Variants in DSCAML1 observed in about 807,000 individuals in gnomAD.
DSCAML1 encodes the protein DS cell adhesion molecule like 1.
A neutral mutation model predicts 200.5 loss-of-function variants in DSCAML1; 38 were observed. The ratio of observed to expected loss-of-function variants is 0.19; its 90% CI spans 0.15 to 0.25. The LOEUF (loss-of-function observed/expected upper bound fraction) is 0.25. Ranked by LOEUF, DSCAML1 falls within the 10% of genes least tolerant of loss-of-function variation. The pLI, the probability that DSCAML1 is intolerant of heterozygous loss-of-function variation, is 1.00. For synonymous variants in DSCAML1, 1,215 were observed against 1,165.0 expected (o/e 1.04, Z -0.87); for missense variants, 2,223 against 2,858.8 (o/e 0.78, Z 5.07).
At chr11:117,646,255 A>C (rs1051707302) in intron 3 of DSCAML1, among the ~76,000 whole-genome samples, 2 of 151,694 alleles carry the variant, frequency 1.3e-5, no homozygotes, top group Non-Finnish European at 2.9e-5. Context: ...ATGGGAAGGG[A>C]GGGAGGTGGC....
intron 3 of DSCAML1, among the ~76,000 whole-genome samples, chr11:117,598,439 C>T (rs1403627151): frequency 6.6e-6 from 1 of 152,116 alleles, no homozygotes; most frequent in African/African-American, 2.4e-5. Flanking sequence ...TTCTGACATC[C>T]CAATCCAAGC....
chr11:117,772,248 G>A (rs1240910391), intron 3 of DSCAML1, among the ~76,000 whole-genome samples: 3 of 152,150 alleles, frequency 2.0e-5, no homozygotes, highest in African/African-American at 7.2e-5. Context: ...AGGGAGGCTG[G>A]TAGTTTACTT....
At chr11:117,543,860 C>G (rs1453880037) in intron 3 of DSCAML1, among the ~76,000 whole-genome samples, 1 of 151,624 alleles carries the variant, frequency 6.6e-6, no homozygotes, top group Non-Finnish European at 1.5e-5. Context: ...GGAGGCAGGT[C>G]TATGATGCGT....
At chr11:117,428,866 G>GC (rs1327428108) in intron 32 of DSCAML1, 63 bp from the exon 33 acceptor site, 10 of 1,448,008 alleles carry the variant, frequency 6.9e-6, no homozygotes, top group South Asian at 1.2e-5. Context: ...AGCTCGTTCA[G>GC]CCCCCACCCC....
intron 3 of DSCAML1, among the ~76,000 whole-genome samples, chr11:117,648,290 G>C (rs2052562815): frequency 6.6e-6 from 1 of 152,236 alleles, no homozygotes. Context: ...GTGGTGTCCA[G>C]GGTGCTCCTG....
At chr11:117,735,726 T>G (rs918663135) in intron 3 of DSCAML1, among the ~76,000 whole-genome samples, 2 of 152,184 alleles carry the variant, frequency 1.3e-5, no homozygotes, top group African/African-American at 2.4e-5. Flanking sequence ...AAGCATAGAC[T>G]ATGCTGGGCC....
At chr11:117,442,233 T>A (rs57176652) in intron 21 of DSCAML1, among the ~76,000 whole-genome samples, 2 of 150,658 alleles carry the variant, frequency 1.3e-5, no homozygotes, top group Admixed American at 6.6e-5. Flanking sequence ...AGTGTGTGTG[T>A]GCGTGTGTAT....
intron 3 of DSCAML1, among the ~76,000 whole-genome samples, chr11:117,761,573 G>C (rs536131194): frequency 1.3e-5 from 2 of 152,036 alleles, no homozygotes; most frequent in Non-Finnish European, 2.9e-5. Flanking sequence ...TTTTTCATCT[G>C]TACAATGGGA....
At chr11:117,717,705 C>A (rs2053976252) in intron 3 of DSCAML1, among the ~76,000 whole-genome samples, 1 of 152,184 alleles carries the variant, frequency 6.6e-6, no homozygotes, top group Admixed American at 6.5e-5. Flanking sequence ...CACATTCACC[C>A]CATACTCACG....
At chr11:117,452,431 T>C (rs1006526159) in intron 19 of DSCAML1, among the ~76,000 whole-genome samples, 1 of 152,224 alleles carries the variant, frequency 6.6e-6, no homozygotes, top group African/African-American at 2.4e-5. Context: ...CAGTTTTCTA[T>C]TAGACAGTTT....
intron 3 of DSCAML1, among the ~76,000 whole-genome samples, chr11:117,685,668 C>T (rs946743854): frequency 3.9e-5 from 6 of 152,182 alleles, no homozygotes; most frequent in Non-Finnish European, 7.3e-5. Flanking sequence ...CGGGAGGAGA[C>T]GGAAAGCACG....
intron 4 of DSCAML1, among the ~76,000 whole-genome samples, chr11:117,530,057 G>A (rs2050045149): frequency 6.6e-6 from 1 of 152,092 alleles, no homozygotes; most frequent in Non-Finnish European, 1.5e-5. Flanking sequence ...TGTGCCCCAT[G>A]CCAATCTCTC....
At chr11:117,487,084 C>A (rs1265207008) in intron 11 of DSCAML1, among the ~76,000 whole-genome samples, 1 of 151,654 alleles carries the variant, frequency 6.6e-6, no homozygotes, top group African/African-American at 2.4e-5. Flanking sequence ...ACCACTACGC[C>A]TGGCTAATTT....
At chr11:117,813,803 T>C (rs897711756) in intron 1 of DSCAML1, among the ~76,000 whole-genome samples, 1 of 152,300 alleles carries the variant, frequency 6.6e-6, no homozygotes, top group Non-Finnish European at 1.5e-5. Context: ...ACATCGTCCA[T>C]TCTGTCTCCA....
At chr11:117,475,276 A>G (rs2048767988) in intron 14 of DSCAML1, among the ~76,000 whole-genome samples, 1 of 152,212 alleles carries the variant, frequency 6.6e-6, no homozygotes. Context: ...CTTGGCCCTG[A>G]GAGTCTGAGA....
chr11:117,560,522 A>T (rs1482745212), intron 3 of DSCAML1, among the ~76,000 whole-genome samples: 1 of 152,214 alleles, frequency 6.6e-6, no homozygotes, highest in Non-Finnish European at 1.5e-5. Flanking sequence ...ACAGACAGTT[A>T]ACTCACGGGA....
At chr11:117,749,036 T>C (rs1565261415) in intron 3 of DSCAML1, among the ~76,000 whole-genome samples, 1 of 152,166 alleles carries the variant, frequency 6.6e-6, no homozygotes, top group Non-Finnish European at 1.5e-5. Flanking sequence ...CTTTGTGGGC[T>C]TCCAGGGAGA....
rs372296970 is a variant in DSCAML1 at position 117,498,295 on chromosome 11, G to T, written c.2359+5550C>A. Among the ~76,000 whole-genome samples the T allele has an allele frequency of 4.6e-5, 7 of 152,192 alleles. No individual in the cohort carries two copies. The highest frequency in any genetic ancestry group is 1.4e-4 in the African/African-American group (6 of 41,458). On this transcript the variant is annotated intron_variant, in intron 11 of 32. Coordinates refer to ENST00000651296, the MANE Select transcript of DSCAML1 (RefSeq NM_020693.4). This position sits in a 1 kb window ranked among gnomAD's most constrained non-coding sequence, Gnocchi z 4.0. ...GTGGACACCCAATCCATGTGCCCAG[G>T]CTCCACTTACATGCTCTGCCAACAG...
intron 3 of DSCAML1, among the ~76,000 whole-genome samples, chr11:117,573,329 A>G (rs746910): frequency 0.42 from 63,188 of 152,148 alleles, 13,340 homozygotes; most frequent in Middle Eastern, 0.46. Flanking sequence ...ATTAGATTCC[A>G]GTCTGGAAGA....
Sources: gnomAD v4.1 joint callset for allele counts (sites outside exome capture counted in the v4.1 genomes callset) on GRCh38, gnomAD v4.1.1 for gene constraint, Gnocchi (gnomAD v3.1) non-coding constraint, MANE v1.5 for transcripts, NCBI Gene and HGNC (gene_info 2026-07-23, HGNC 2026-07-21) for gene names.